Variants in ROS1 observed in about 807,000 individuals in gnomAD.
ROS1 encodes the protein proto-oncogene tyrosine-protein kinase ROS.
ROS1 carries 263 observed loss-of-function variants against 273.5 expected under a neutral mutation model. That is an observed-to-expected ratio of 0.96 (90% CI 0.87 to 1.06). ROS1 has a LOEUF of 1.06. Among genes scored for constraint, ROS1 ranks in the 50% least tolerant of loss-of-function variants. The pLI, the probability that ROS1 is intolerant of heterozygous loss-of-function variation, is 0.00. For synonymous variants in ROS1, 1,008 were observed against 954.1 expected, an observed-to-expected ratio of 1.06 and a Z score of -1.04; for missense variants, 2,833 against 2,751.1, an observed-to-expected ratio of 1.03 and a Z score of -0.67.
rs1773584524 is a variant in ROS1 at position 117,288,458 on chromosome 6, T to C, written c.*34A>G. 1 of 1,531,130 alleles carries C rather than the reference T, an allele frequency of 6.5e-7. No homozygotes were observed. Among genetic ancestry groups the C allele is most frequent in the Non-Finnish European group, 8.9e-7 (1 of 1,124,472 alleles). The allele number at this position is 1,531,130 out of a possible 1,614,324, so 94.8% of individuals were successfully genotyped here. ...TTTCAGTAACTACTGAATGAGAGTGTTTATCTCAACTCTCTATTTCCCAAA... is the reference window on the plus strand; with the variant it reads ...TTTCAGTAACTACTGAATGAGAGTGCTTATCTCAACTCTCTATTTCCCAAA... On this transcript the variant is annotated 3_prime_UTR_variant, in exon 44 of 44. Transcript: ENST00000368507.
intron 32 of ROS1, among the ~76,000 whole-genome samples, chr6:117,330,630 T>A (rs1452156435): frequency 6.6e-6 from 1 of 152,188 alleles, no homozygotes; most frequent in Non-Finnish European, 1.5e-5. Context: ...ACACCCATTT[T>A]TGCTGCTCTC....
At chr6:117,343,120 G>A (rs989963411) in intron 28 of ROS1, among the ~76,000 whole-genome samples, 5 of 151,776 alleles carry the variant, frequency 3.3e-5, no homozygotes, top group African/African-American at 1.2e-4. Flanking sequence ...GTGCCGCCAA[G>A]GTTGAGAACC....
Position 117,359,837 on chromosome 6 carries a change from A to G in ROS1, c.3605T>C (p.Leu1202Pro). ...AGAGCTAGAGCGATTGTGCAAGTGC[A>G]GAAGAAAGAGTGAGTCCCCTTCAGC... Reference protein sequence around the residue: ...YYAEGDSLFLLHLHNRSSSEL... With the variant: ...YYAEGDSLFLPHLHNRSSSEL... The change falls in exon 24 of 44, where the codon CTG (leucine) becomes CCG (proline). Residue 1202 changes from leucine (L) to proline (P), a missense_variant. Physicochemically the swap from Leu to Pro is moderately conservative, Grantham distance 98. Coordinates refer to ENST00000368507, the MANE Select transcript of ROS1 (RefSeq NM_001378902.1). The G allele has an allele frequency of 6.2e-7, 1 of 1,613,994 alleles. No homozygotes were observed. The highest frequency in any genetic ancestry group is 1.1e-5 in the South Asian group (1 of 91,084).
intron 43 of ROS1, among the ~76,000 whole-genome samples, chr6:117,290,894 AATG>A (rs1202140346): frequency 6.6e-6 from 1 of 152,188 alleles, no homozygotes; most frequent in Non-Finnish European, 1.5e-5. Context: ...CAACAACAAC[AATG>A]AAGACAGTCA....
chr6:117,355,203 A>G (rs1301325687), intron 26 of ROS1, among the ~76,000 whole-genome samples: 2 of 152,236 alleles, frequency 1.3e-5, no homozygotes, highest in African/African-American at 4.8e-5. Context: ...AGAGGAGCAT[A>G]ACCACATTTT....
In ROS1 at chr6:117,366,257, G is replaced by A; in HGVS notation, c.2616C>T (p.Ala872=). The A allele has an allele frequency of 6.2e-7, 1 of 1,614,006 alleles. No homozygotes were observed. Among genetic ancestry groups the A allele is most frequent in the East Asian group, 2.2e-5 (1 of 44,878 alleles). The change falls in exon 19 of 44, where the codon GCC becomes GCT. Residue 872 remains alanine, a synonymous_variant. Transcript: ENST00000368507. ...TCTGGGAAATTTCAGAAGTACTCCAGGCTGCAAATTCTGTGATGGTGGTAT... is the reference window on the plus strand; with the variant it reads ...TCTGGGAAATTTCAGAAGTACTCCAAGCTGCAAATTCTGTGATGGTGGTAT... ...TGDTTITEFA[A]WSTSEISQNA...
At chr6:117,383,241 A>G in intron 17 of ROS1, 76 bp downstream of exon 17, 1 of 1,190,296 alleles carries the variant, frequency 8.4e-7, no homozygotes, top group Non-Finnish European at 1.2e-6. Context: ...AGTACTCACA[A>G]TAAGCGAGAG....
rs1032914209 is a variant in ROS1, at chr6:117,322,408, T to C, written c.5624-1014A>G. Among the ~76,000 whole-genome samples the C allele has an allele frequency of 3.3e-5, 5 of 152,176 alleles. No individual in the cohort carries two copies. The East Asian group carries it at 7.7e-4, about 23-fold the overall frequency. ...TGCGCCTCTCTGTGAGTGCTTATCCTATGCACTGTCTTACTTATTTCATCT... is the reference window on the plus strand; with the variant it reads ...TGCGCCTCTCTGTGAGTGCTTATCCCATGCACTGTCTTACTTATTTCATCT... On this transcript the variant is annotated intron_variant, in intron 35 of 43. Transcript: ENST00000368507.
At chr6:117,419,578 C>T (rs181368191) in intron 1 of ROS1, among the ~76,000 whole-genome samples, 4 of 152,036 alleles carry the variant, frequency 2.6e-5, no homozygotes, top group African/African-American at 4.8e-5. Context: ...ATTTTGCAAC[C>T]GAGTGCTTAA....
Position 117,310,268 on chromosome 6 carries a change from T to G in ROS1, c.6229A>C (p.Arg2077=), listed in dbSNP as rs552183. The stretch of plus-strand genomic sequence containing the variant: ...TCTTTCACGGAAACAAGGCAATTTC[T>G]AGCTGCCAGATCCCTGTGGCAGAAG... ...MHFIHRDLAA[R]NCLVSVKDYT... is the part of the protein sequence containing the mutation. The change falls in exon 41 of 44, where the codon AGA becomes CGA. Residue 2077 remains arginine (R), a synonymous_variant. Transcript: ENST00000368507. 0.12 allele frequency: 199,843 copies of G among 1,606,926 alleles called. 12,894 individuals are homozygous for G. The highest frequency in any genetic ancestry group is 0.16 in the Middle Eastern group (981 of 5,988).
intron 27 of ROS1, among the ~76,000 whole-genome samples, chr6:117,350,678 GT>G (rs995716425): frequency 7.7e-6 from 1 of 130,522 alleles, no homozygotes; most frequent in African/African-American, 2.7e-5. Context: ...TTCTGTTTCG[GT>G]TTTTTTCCTT....
chr6:117,346,543 GTTCAAC>G (rs1778394349), intron 27 of ROS1, among the ~76,000 whole-genome samples: 1 of 151,354 alleles, frequency 6.6e-6, no homozygotes, highest in Non-Finnish European at 1.5e-5. Context: ...TGTGTGTGTC[GTTCAAC>G]TTCAGATACT....
chr6:117,384,278 T>A (rs1011462797), intron 16 of ROS1, among the ~76,000 whole-genome samples: 2 of 152,298 alleles, frequency 1.3e-5, no homozygotes, highest in South Asian at 2.1e-4. Flanking sequence ...TTGCTTCATA[T>A]GCTTCTTTAT....
Position 117,343,115 on chromosome 6 carries a change from GC to G in ROS1, c.4507-572del, listed in dbSNP as rs542942888. On this transcript the variant is annotated intron_variant, in intron 28 of 43. Transcript: ENST00000368507. ...TTTTTTTTTAAAGCTTCGATGTGCC[GC>G]CAAGGTTGAGAACCACTGTCTTAGA... Among the ~76,000 whole-genome samples, 11 of 151,460 alleles carry G rather than the reference GC, an allele frequency of 7.3e-5. No homozygotes were observed. In the East Asian group the frequency reaches 2.1e-3, roughly 29 times the overall value.
intron 32 of ROS1, among the ~76,000 whole-genome samples, chr6:117,333,630 C>G (rs1777255817): frequency 1.3e-5 from 2 of 152,140 alleles, no homozygotes; most frequent in African/African-American, 4.8e-5. Context: ...CATCAAAAAA[C>G]ATATCCACCA....
chr6:117,404,765 C>T (rs1774264633), intron 5 of ROS1, among the ~76,000 whole-genome samples: 1 of 152,134 alleles, frequency 6.6e-6, no homozygotes, highest in South Asian at 2.1e-4. Flanking sequence ...AGCCAATGCT[C>T]AGAGCATGTC....
Position 117,287,642 on chromosome 6 carries a change from G to T in ROS1, c.*850C>A, listed in dbSNP as rs911276235. ...TAGTGATTAAAGACAATATATATCG[G>T]CTAGGCATGGTGGCTCACACCTGTA... On this transcript the variant is annotated 3_prime_UTR_variant, in exon 44 of 44. Transcript: ENST00000368507. Among the ~76,000 whole-genome samples, 1 of 152,144 alleles carries T rather than the reference G, an allele frequency of 6.6e-6. No individual in the cohort carries two copies. Among genetic ancestry groups the T allele is most frequent in the African/African-American group, 2.4e-5 (1 of 41,438 alleles).
Position 117,341,429 on chromosome 6 carries a change from G to A in ROS1, c.4855C>T (p.Leu1619=), listed in dbSNP as rs769875440. The part of the protein sequence containing the change: ...NGRLTLLVTR[L]SGGNIYVLKV... ...AACACATAAATATTTCCACCAGACAGTCTAGTAACAAGGAGAGTGAGCCTT... is the reference window on the plus strand; with the variant it reads ...AACACATAAATATTTCCACCAGACAATCTAGTAACAAGGAGAGTGAGCCTT... Residue 1619 remains leucine, a synonymous_variant, in exon 30 of 44, where the codon CTG becomes TTG. Coordinates refer to ENST00000368507, the MANE Select transcript of ROS1 (RefSeq NM_001378902.1). 6.2e-6 allele frequency: 10 copies of A among 1,613,646 alleles called. No individual in the cohort carries two copies. Among genetic ancestry groups the A allele is most frequent in the African/African-American group, 2.7e-5 (2 of 74,906 alleles).
intron 27 of ROS1, among the ~76,000 whole-genome samples, chr6:117,348,072 G>GTAA (rs1200202478): frequency 6.6e-6 from 1 of 151,984 alleles, no homozygotes; most frequent in Non-Finnish European, 1.5e-5. Context: ...TGGTTTTAGG[G>GTAA]TAATTCTGGC....
Sources: gnomAD v4.1 joint callset for allele counts (sites outside exome capture counted in the v4.1 genomes callset) on GRCh38, gnomAD v4.1.1 for gene constraint, MANE v1.5 for transcripts, NCBI Gene and HGNC (gene_info 2026-07-23, HGNC 2026-07-21) for gene names.